HBP1: variants seen among roughly 807,000 people sequenced by gnomAD.
The protein encoded by HBP1 is HMG-box transcription factor 1, also known as HMG box-containing protein 1.
In HBP1, 20 loss-of-function variants were observed where a neutral mutation model predicts 62.6. The observed-to-expected ratio is 0.32, with a 90% confidence interval of 0.22 to 0.46. The LOEUF is 0.46. HBP1 is among the 20% of genes least tolerant of loss of function. The pLI, the probability that HBP1 is intolerant of heterozygous loss-of-function variation, is 1.00. For synonymous variants in HBP1, 232 were observed against 206.2 expected (o/e 1.12, Z -1.07); for missense variants, 480 against 611.8 (o/e 0.78, Z 2.27).
intron 1 of HBP1, chr7:107,170,008 T>G (rs974371713): frequency 5.1e-6 from 5 of 985,362 alleles, no homozygotes; most frequent in Non-Finnish European, 4.8e-6. Flanking sequence ...AGCCAGGTTT[T>G]TGTAGCTTTA....
At chr7:107,178,845 C>T (rs1197908229) in intron 1 of HBP1, among the ~76,000 whole-genome samples, 1 of 152,046 alleles carries the variant, frequency 6.6e-6, no homozygotes, top group East Asian at 1.9e-4. Context: ...CCAGCCTGGC[C>T]AACATGGTGA....
chr7:107,176,502 T>C (rs1405364205), intron 1 of HBP1, among the ~76,000 whole-genome samples: 3 of 152,094 alleles, frequency 2.0e-5, no homozygotes, highest in Admixed American at 6.6e-5. Flanking sequence ...TTTTAATAAG[T>C]AGGAATTTAG....
intron 1 of HBP1, among the ~76,000 whole-genome samples, chr7:107,171,181 T>C (rs566292518): frequency 6.7e-6 from 1 of 149,936 alleles, no homozygotes; most frequent in South Asian, 2.1e-4. Context: ...GCGATTCTCT[T>C]GCCTCAGCCT....
At chr7:107,169,893 G>A in intron 1 of HBP1, 2 of 985,580 alleles carry the variant, frequency 2.0e-6, no homozygotes, top group Non-Finnish European at 2.4e-6. Flanking sequence ...CGCTCTGTGT[G>A]ACCCAAAGAG....
rs1798311459 is a variant in HBP1 at position 107,201,571 on chromosome 7, T to TTTAA, written c.*142_*145dup. 4.2e-6 allele frequency: 2 copies of TTTAA among 477,276 alleles called. No individual in the cohort carries two copies. The highest frequency in any genetic ancestry group is 7.7e-6 in the Non-Finnish European group (2 of 258,810). 29.6% of individuals were successfully genotyped at this position (477,276 alleles called of 1,614,324 possible). A position where few individuals can be genotyped will look rare whatever the true frequency, so the allele number is the denominator to read the frequency against. On this transcript the variant is annotated 3_prime_UTR_variant, in exon 11 of 11. Transcript: ENST00000222574. ...CTGATAGCATTGAGTCTTGAAATGA[T>TTTAA]TTAATAATATGAGTGAGGATTTGCT... is the stretch of plus-strand genomic sequence containing the variant.
Position 107,202,156 on chromosome 7 carries a change from A to C in HBP1, c.*725A>C, listed in dbSNP as rs187030164. 2 of 152,692 alleles carry C rather than the reference A, an allele frequency of 1.3e-5. No homozygotes were observed. The highest frequency in any genetic ancestry group is 4.8e-5 in the African/African-American group (2 of 41,488). 9.5% of individuals were successfully genotyped at this position (152,692 alleles called of 1,614,324 possible). On this transcript the variant is annotated 3_prime_UTR_variant, in exon 11 of 11. Transcript: ENST00000222574. ...TAGTCACTGTAATGGTGCTATTAAC[A>C]AACAGTCAACACCATTGTATTTTTT...
intron 1 of HBP1, chr7:107,173,331 A>G (rs902460604): frequency 6.6e-6 from 1 of 152,236 alleles, no homozygotes; most frequent in Non-Finnish European, 1.5e-5. Context: ...AGGGGAGAGC[A>G]TATAGAAGAT....
intron 8 of HBP1, among the ~76,000 whole-genome samples, chr7:107,193,466 A>ACACTGTGCCAGCCC (rs1413408669): frequency 1.3e-5 from 2 of 152,174 alleles, no homozygotes; most frequent in Non-Finnish European, 2.9e-5. Context: ...ATGGCAAAAT[A>ACACTGTGCCAGCCC]CACTGTGCCA....
intron 1 of HBP1, among the ~76,000 whole-genome samples, chr7:107,177,997 A>T (rs1242027354): frequency 6.6e-6 from 1 of 152,214 alleles, no homozygotes; most frequent in African/African-American, 2.4e-5. Flanking sequence ...TAACATCATG[A>T]CTTAGAAAGC....
At position 107,169,142 on chromosome 7, in the gene HBP1, T is replaced by A; in HGVS notation, c.-59T>A. Reference sequence around the variant, plus strand: ...ACGAGAGCTGCTGGTGGTGTTGTCGTGGCCGGAGCGGCCCGCGCCTGGGCT... The same window carrying A: ...ACGAGAGCTGCTGGTGGTGTTGTCGAGGCCGGAGCGGCCCGCGCCTGGGCT... On this transcript the variant is annotated 5_prime_UTR_variant, in exon 1 of 11. Transcript: ENST00000222574. 8.5e-7 allele frequency: 1 copy of A among 1,178,040 alleles called. No homozygotes were observed. The highest frequency in any genetic ancestry group is 1.1e-6 in the Non-Finnish European group (1 of 934,562). 73.0% of individuals were successfully genotyped at this position (1,178,040 alleles called of 1,614,324 possible).
Position 107,173,140 on chromosome 7 carries a change from T to TCTC in HBP1, c.-16+3955_-16+3956insCTC, listed in dbSNP as rs538576616. Among the ~76,000 whole-genome samples the TCTC allele has an allele frequency of 1.5e-3, 223 of 152,372 alleles. 1 individual carries two copies. Among genetic ancestry groups the TCTC allele is most frequent in the African/African-American group, 4.9e-3 (205 of 41,588 alleles). On this transcript the variant is annotated intron_variant, in intron 1 of 10. Transcript: ENST00000222574. ...TACAGCCTCAGAGATGCTTTTGGTA[T>TCTC]AGAAAGTTGCATTTAATATACTTTG... is the stretch of plus-strand genomic sequence containing the variant.
intron 2 of HBP1, among the ~76,000 whole-genome samples, chr7:107,181,725 T>C (rs1797115858): frequency 6.6e-6 from 1 of 151,282 alleles, no homozygotes; most frequent in African/African-American, 2.4e-5. Flanking sequence ...TACAGACATA[T>C]ATATGATTTT....
chr7:107,174,805 G>T, intron 1 of HBP1: 1 of 517,376 alleles, frequency 1.9e-6, no homozygotes, highest in Non-Finnish European at 2.5e-6. Context: ...ACATCTGTAT[G>T]TGAAGCATAG....
rs2116024484 is a variant in HBP1 at position 107,200,153 on chromosome 7, T to C, written c.1386-7T>C. ...CTTTCAGCATTGTGTAAATATTTAT[T>C]TTACAGAGCCATAAGTGTGATCCTT... On this transcript the variant is annotated splice_region_variant and splice_polypyrimidine_tract_variant and intron_variant, in intron 9 of 10. Coordinates refer to ENST00000222574, the MANE Select transcript of HBP1 (RefSeq NM_012257.4). 1 of 1,566,816 alleles carries C rather than the reference T, an allele frequency of 6.4e-7. No individual in the cohort carries two copies. Among genetic ancestry groups the C allele is most frequent in the East Asian group, 2.3e-5 (1 of 43,300 alleles).
intron 2 of HBP1, among the ~76,000 whole-genome samples, chr7:107,181,282 C>T (rs188923203): frequency 6.6e-6 from 1 of 152,120 alleles, no homozygotes; most frequent in African/African-American, 2.4e-5. Flanking sequence ...GCCTGGTCAA[C>T]GTAGTGAGAT....
chr7:107,179,309 C>A (rs965562525), intron 1 of HBP1, among the ~76,000 whole-genome samples: 3 of 152,084 alleles, frequency 2.0e-5, no homozygotes, highest in Non-Finnish European at 4.4e-5. Flanking sequence ...TATACAATGC[C>A]ATTTTTCCTC....
chr7:107,189,165 T>G (rs1797529092), intron 6 of HBP1, 127 bp from the exon 7 acceptor site: 1 of 693,510 alleles, frequency 1.4e-6, no homozygotes, highest in Admixed American at 2.9e-5. Context: ...GTTTGAAAGC[T>G]CTTTAATGGC....
At chr7:107,189,502 C>A in intron 7 of HBP1, 54 bp downstream of exon 7, 2 of 1,353,742 alleles carry the variant, frequency 1.5e-6, no homozygotes. Flanking sequence ...CTTCTTAAAT[C>A]TGTAATTATG....
chr7:107,195,467 G>A (rs1207904282), intron 8 of HBP1, among the ~76,000 whole-genome samples: 1 of 152,298 alleles, frequency 6.6e-6, no homozygotes, highest in African/African-American at 2.4e-5. Context: ...AAACCATATT[G>A]TCACATTTGT....
Sources: allele counts gnomAD v4.1 joint callset (sites outside exome capture counted in the v4.1 genomes callset), GRCh38; gene constraint gnomAD v4.1.1; transcripts MANE v1.5; gene names NCBI Gene and HGNC (gene_info 2026-07-23, HGNC 2026-07-21).